The following ROBO1 variants were observed in gnomAD, a reference collection of about 807,000 sequenced individuals.
ROBO1 encodes the protein roundabout homolog 1.
A neutral mutation model predicts 195.9 loss-of-function variants in ROBO1; 149 were observed. The ratio of observed to expected loss-of-function variants is 0.76; its 90% CI spans 0.67 to 0.87. ROBO1 has a LOEUF of 0.87. Ranked by LOEUF, ROBO1 falls within the 40% of genes least tolerant of loss-of-function variation. The pLI, the probability that ROBO1 is intolerant of heterozygous loss-of-function variation, is 0.00. For synonymous variants in ROBO1, 816 were observed against 733.2 expected (o/e 1.11, Z -1.82); for missense variants, 1,933 against 2,068.3 (o/e 0.93, Z 1.27).
intron 2 of ROBO1, among the ~76,000 whole-genome samples, chr3:79,273,943 G>A (rs1449125726): frequency 1.3e-5 from 2 of 151,836 alleles, no homozygotes; most frequent in East Asian, 3.9e-4. Context: ...TAATAAACGG[G>A]TTGATTCAGC....
In ROBO1 at chr3:78,991,376, G is replaced by T. The variant is rs182507539; in HGVS notation, c.173-52449C>A. On this transcript the variant is annotated intron_variant, in intron 3 of 30. Transcript: ENST00000464233. The stretch of plus-strand genomic sequence containing the variant: ...GTAGCTTTGGAAACCAAGATCCAAA[G>T]TCAGCAGGAACTTTGGAAGATGGAT... Among the ~76,000 whole-genome samples, 11 of 152,322 alleles carry T rather than the reference G, an allele frequency of 7.2e-5. No homozygotes were observed. In the East Asian group the frequency reaches 2.1e-3, roughly 29 times the overall value.
chr3:78,952,855 G>A (rs2040860322), intron 3 of ROBO1, among the ~76,000 whole-genome samples: 1 of 151,884 alleles, frequency 6.6e-6, no homozygotes, highest in Non-Finnish European at 1.5e-5. Flanking sequence ...TTCTACCTAA[G>A]CAAACACTAT....
chr3:79,171,603 C>T (rs1280710523), intron 2 of ROBO1, among the ~76,000 whole-genome samples: 2 of 152,016 alleles, frequency 1.3e-5, no homozygotes, highest in African/African-American at 2.4e-5. Flanking sequence ...CTTCCTTAAA[C>T]AACTATTAAC....
At chr3:78,952,056 G>C (rs2040821193) in intron 3 of ROBO1, among the ~76,000 whole-genome samples, 1 of 150,894 alleles carries the variant, frequency 6.6e-6, no homozygotes, top group African/African-American at 2.4e-5. Flanking sequence ...TTGTTTATTT[G>C]TGTTTCAGGT....
intron 1 of ROBO1, among the ~76,000 whole-genome samples, chr3:79,622,795 C>T (rs937532466): frequency 2.0e-5 from 3 of 152,156 alleles, no homozygotes. Context: ...TAGTGAGGTA[C>T]ACCCCCTCCA....
intron 8 of ROBO1, among the ~76,000 whole-genome samples, chr3:78,705,851 C>T (rs1422359603): frequency 6.6e-6 from 1 of 152,108 alleles, no homozygotes; most frequent in Non-Finnish European, 1.5e-5. Context: ...AATTAAACCA[C>T]CTGTTTTGCT....
intron 18 of ROBO1, 41 bp downstream of exon 18, chr3:78,657,057 A>G: frequency 6.5e-7 from 1 of 1,536,486 alleles, no homozygotes; most frequent in South Asian, 1.3e-5. Flanking sequence ...GACACATGGT[A>G]GAGTGAGAGA....
At chr3:79,031,524 G>A (rs2078295600) in intron 3 of ROBO1, among the ~76,000 whole-genome samples, 1 of 152,214 alleles carries the variant, frequency 6.6e-6, no homozygotes. Flanking sequence ...GTGTAAGTGG[G>A]TAAGAATACA....
rs34923136 is a variant in ROBO1 at position 79,330,671 on chromosome 3, G to GAAA, written c.89-205135_89-205133dup. Among the ~76,000 whole-genome samples, 4 of 77,362 alleles carry GAAA rather than the reference G, an allele frequency of 5.2e-5. 1 individual carries two copies. The highest frequency in any genetic ancestry group is 5.1e-4 in the South Asian group (1 of 1,978). 50.8% of individuals were successfully genotyped at this position (77,362 alleles called of 152,430 possible). A position where few individuals can be genotyped will look rare whatever the true frequency, so the allele number is the denominator to read the frequency against. ...AAATATTTGCTCTCTGGAACTTAGG[G>GAAA]AAAAAAAAAAAAAAAAAAAAAAAGC... is the stretch of plus-strand genomic sequence containing the variant. On this transcript the variant is annotated intron_variant, in intron 2 of 30. Coordinates refer to ENST00000464233, the MANE Select transcript of ROBO1 (RefSeq NM_002941.4).
intron 1 of ROBO1, among the ~76,000 whole-genome samples, chr3:79,718,719 G>A (rs564510552): frequency 6.6e-6 from 1 of 151,974 alleles, no homozygotes; most frequent in South Asian, 2.1e-4. Context: ...GTTAAAAAAG[G>A]TTAGAAGTAA....
intron 2 of ROBO1, chr3:79,527,993 G>C (rs554453683): frequency 1.3e-4 from 2 of 15,482 alleles, no homozygotes; most frequent in Non-Finnish European, 2.3e-4. Flanking sequence ...AAATTGAGAA[G>C]TTATTTTACT....
chr3:79,661,951 C>T (rs531778699), intron 1 of ROBO1, among the ~76,000 whole-genome samples: 1 of 151,886 alleles, frequency 6.6e-6, no homozygotes, highest in Non-Finnish European at 1.5e-5. Flanking sequence ...CTTTGAATGC[C>T]TAAGTGTAAT....
intron 3 of ROBO1, among the ~76,000 whole-genome samples, chr3:79,115,543 G>T (rs1053312018): frequency 6.6e-6 from 1 of 152,064 alleles, no homozygotes; most frequent in African/African-American, 2.4e-5. Flanking sequence ...AGGGATACAG[G>T]TTATATATGG....
chr3:78,801,193 T>C (rs1046215872), intron 4 of ROBO1, among the ~76,000 whole-genome samples: 2 of 152,216 alleles, frequency 1.3e-5, no homozygotes, highest in Admixed American at 1.3e-4. Flanking sequence ...CTATTTGTCA[T>C]AAAAGGTCAT....
chr3:79,515,914 A>G (rs919466829), intron 2 of ROBO1, among the ~76,000 whole-genome samples: 1 of 152,142 alleles, frequency 6.6e-6, no homozygotes, highest in African/African-American at 2.4e-5. Flanking sequence ...TCATGAATAA[A>G]ATATATTTTA....
intron 3 of ROBO1, among the ~76,000 whole-genome samples, chr3:79,074,079 G>T (rs2079131554): frequency 6.6e-6 from 1 of 151,494 alleles, no homozygotes; most frequent in Non-Finnish European, 1.5e-5. Flanking sequence ...TTAATTGATT[G>T]TATTATTTTT....
chr3:79,547,817 A>G (rs1942326460), intron 2 of ROBO1, among the ~76,000 whole-genome samples: 1 of 152,182 alleles, frequency 6.6e-6, no homozygotes, highest in African/African-American at 2.4e-5. Flanking sequence ...AATGCTATCT[A>G]ATGGAAATAG....
At chr3:79,196,565 A>G (rs2081641552) in intron 2 of ROBO1, among the ~76,000 whole-genome samples, 1 of 151,830 alleles carries the variant, frequency 6.6e-6, no homozygotes, top group African/African-American at 2.4e-5. Flanking sequence ...AGTGACTACA[A>G]TGGCTACCCA....
At chr3:79,273,727 A>G (rs1231138452) in intron 2 of ROBO1, among the ~76,000 whole-genome samples, 2 of 151,688 alleles carry the variant, frequency 1.3e-5, no homozygotes, top group Non-Finnish European at 2.9e-5. Context: ...ACTGAATGAA[A>G]AAAAAAAGAC....
Sources: allele counts gnomAD v4.1 joint callset (sites outside exome capture counted in the v4.1 genomes callset), GRCh38; gene constraint gnomAD v4.1.1; transcripts MANE v1.5; gene names NCBI Gene and HGNC (gene_info 2026-07-23, HGNC 2026-07-21).